LDB2: variants seen among roughly 807,000 people sequenced by gnomAD.
LDB2 encodes LIM domain binding 2.
Under a neutral mutation model 44.3 loss-of-function variants are expected in LDB2, and 12 were observed. The ratio of observed to expected loss-of-function variants is 0.27; its 90% CI spans 0.17 to 0.44. The LOEUF is 0.44. Among genes scored for constraint, LDB2 ranks in the 20% least tolerant of loss-of-function variants. LDB2 has a pLI of 1.00. For synonymous variants in LDB2, 164 were observed against 174.8 expected (o/e 0.94, Z 0.49); for missense variants, 344 against 473.5 (o/e 0.73, Z 2.54).
chr4:16,834,184 T>C (rs1202146673), intron 1 of LDB2, among the ~76,000 whole-genome samples: 1 of 152,252 alleles, frequency 6.6e-6, no homozygotes, highest in Non-Finnish European at 1.5e-5. Flanking sequence ...TTTTGTTCAC[T>C]AATGTCCAGG....
chr4:16,719,394 T>C (rs997571654), intron 2 of LDB2, among the ~76,000 whole-genome samples: 7 of 152,122 alleles, frequency 4.6e-5, no homozygotes, highest in Non-Finnish European at 8.8e-5. Context: ...TCAGTCAAAA[T>C]AATTTTATTT....
chr4:16,845,151 G>A (rs1250751992), intron 1 of LDB2, among the ~76,000 whole-genome samples: 1 of 152,202 alleles, frequency 6.6e-6, no homozygotes, highest in Non-Finnish European at 1.5e-5. Flanking sequence ...CAAGGTCAGT[G>A]GCCTTTGTTC....
At chr4:16,779,730 C>T (rs955711202) in intron 1 of LDB2, among the ~76,000 whole-genome samples, 4 of 152,192 alleles carry the variant, frequency 2.6e-5, no homozygotes, top group African/African-American at 9.6e-5. Flanking sequence ...TTTCCCCTTC[C>T]CCATGGTCAG....
chr4:16,849,927 A>G (rs912489305), intron 1 of LDB2, among the ~76,000 whole-genome samples: 1 of 152,192 alleles, frequency 6.6e-6, no homozygotes, highest in African/African-American at 2.4e-5. Context: ...TGAGTGATTT[A>G]AAAACAAAAC....
chr4:16,773,998 C>CA (rs60133554), intron 1 of LDB2, among the ~76,000 whole-genome samples: 1 of 128,360 alleles, frequency 7.8e-6, no homozygotes, highest in Non-Finnish European at 1.6e-5. Context: ...ACTAAAAATA[C>CA]AAAAAAAATA....
intron 1 of LDB2, among the ~76,000 whole-genome samples, chr4:16,851,396 T>C (rs1788210693): frequency 6.6e-6 from 1 of 151,976 alleles, no homozygotes. Flanking sequence ...AGTTTCTTAG[T>C]AGGGATTGTG....
chr4:16,744,401 C>T (rs915006782), intron 2 of LDB2, among the ~76,000 whole-genome samples: 2 of 151,952 alleles, frequency 1.3e-5, no homozygotes, highest in African/African-American at 4.8e-5. Flanking sequence ...AAGTGATCCA[C>T]TCATCTCTGC....
chr4:16,820,526 C>T (rs1781753127), intron 1 of LDB2, among the ~76,000 whole-genome samples: 1 of 152,178 alleles, frequency 6.6e-6, no homozygotes, highest in South Asian at 2.1e-4. Context: ...AAGGAAGTGA[C>T]ATTTGGGCTG....
At chr4:16,621,130 A>C (rs545524438) in intron 2 of LDB2, among the ~76,000 whole-genome samples, 3 of 152,308 alleles carry the variant, frequency 2.0e-5, no homozygotes, top group African/African-American at 7.2e-5. Context: ...TTTTCAAGCC[A>C]GGCCAGGGGT....
Position 16,821,746 on chromosome 4 carries a change from C to CAAAA in LDB2, c.133-62490_133-62487dup, listed in dbSNP as rs562184189. ...AATGGAAACCATTCCAACATTAAAG[C>CAAAA]AAAAAAAAAAAAAAAAAAAAAAAAT... is the stretch of plus-strand genomic sequence containing the variant. On this transcript the variant is annotated intron_variant, in intron 1 of 7. Coordinates refer to ENST00000304523, the MANE Select transcript of LDB2 (RefSeq NM_001290.5). 1.3e-3 allele frequency among the ~76,000 whole-genome samples: 81 copies of CAAAA among 61,732 alleles called. 11 individuals are homozygous for CAAAA. The highest frequency in any genetic ancestry group is 2.7e-3 in the African/African-American group (42 of 15,778). 40.5% of individuals were successfully genotyped at this position (61,732 alleles called of 152,430 possible).
intron 2 of LDB2, among the ~76,000 whole-genome samples, chr4:16,719,450 T>C (rs74872338): frequency 0.019 from 2,924 of 152,224 alleles, 39 homozygotes; most frequent in Non-Finnish European, 0.028. Flanking sequence ...TTGACGCTTG[T>C]TCTTTGAGAA....
chr4:16,770,942 C>T (rs1028466729), intron 1 of LDB2, among the ~76,000 whole-genome samples: 2 of 152,014 alleles, frequency 1.3e-5, no homozygotes, highest in African/African-American at 2.4e-5. Flanking sequence ...TGAGAGGTCC[C>T]GAGATGCAGG....
intron 2 of LDB2, among the ~76,000 whole-genome samples, chr4:16,638,253 C>A (rs1272614071): frequency 6.6e-6 from 1 of 152,218 alleles, no homozygotes; most frequent in East Asian, 1.9e-4. Flanking sequence ...CCCACACTTT[C>A]ACTTGGTACT....
intron 1 of LDB2, among the ~76,000 whole-genome samples, chr4:16,887,041 A>T (rs1721941255): frequency 6.7e-6 from 1 of 150,288 alleles, no homozygotes; most frequent in Admixed American, 6.6e-5. Context: ...TCAAAAAAAA[A>T]AAAAAAAAAA....
chr4:16,674,359 A>G lies in LDB2; in HGVS notation c.236-78484T>C, dbSNP rs777982049. 5 of 989,394 alleles carry G rather than the reference A, an allele frequency of 5.1e-6. No individual in the cohort carries two copies. The South Asian group carries it at 6.7e-5, about 13-fold the overall frequency. 61.3% of individuals were successfully genotyped at this position (989,394 alleles called of 1,614,324 possible). A position where few individuals can be genotyped will look rare whatever the true frequency, so the allele number is the denominator to read the frequency against. ...TGCTCTTTGTCTCTGAGATGCAAAG[A>G]TAAGAGCAGTTGCCCTGGAGGCGGT... On this transcript the variant is annotated intron_variant, in intron 2 of 7. Transcript: ENST00000304523.
chr4:16,783,387 C>T (rs1773720641), intron 1 of LDB2, among the ~76,000 whole-genome samples: 1 of 152,248 alleles, frequency 6.6e-6, no homozygotes, highest in African/African-American at 2.4e-5. Flanking sequence ...ATGTTCTCAC[C>T]AAGGCCCAAG....
chr4:16,506,100 T>C (rs1230279505), intron 7 of LDB2: 10 of 1,108,812 alleles, frequency 9.0e-6, no homozygotes, highest in Non-Finnish European at 1.3e-5. Flanking sequence ...CACATGCCTT[T>C]GGACCAGACA....
At chr4:16,553,742 C>A (rs1577638505) in intron 5 of LDB2, among the ~76,000 whole-genome samples, 1 of 152,104 alleles carries the variant, frequency 6.6e-6, no homozygotes, top group Non-Finnish European at 1.5e-5. Flanking sequence ...AAGAACAAAC[C>A]TTTTATAAAG....
chr4:16,703,554 C>T (rs550364089), intron 2 of LDB2, among the ~76,000 whole-genome samples: 7 of 152,152 alleles, frequency 4.6e-5, no homozygotes, highest in Middle Eastern at 3.2e-3. Flanking sequence ...ATTGGCTGTA[C>T]GGCCCTGAGC....
Sources: gnomAD v4.1 joint callset for allele counts (sites outside exome capture counted in the v4.1 genomes callset) on GRCh38, gnomAD v4.1.1 for gene constraint, MANE v1.5 for transcripts, NCBI Gene and HGNC (gene_info 2026-07-23, HGNC 2026-07-21) for gene names.